Variants in GRAMD1B observed in about 807,000 individuals in gnomAD.
GRAMD1B encodes the protein protein Aster-B.
In GRAMD1B, 37 loss-of-function variants were observed where a neutral mutation model predicts 99.7. That is an observed-to-expected ratio of 0.37 (90% CI 0.29 to 0.49). GRAMD1B has a LOEUF of 0.49. Among genes scored for constraint, GRAMD1B ranks in the 20% least tolerant of loss-of-function variants. The probability of loss-of-function intolerance (pLI) is 0.98; values close to 1 mark genes in which losing one functional copy is unlikely to be tolerated. For missense variants in GRAMD1B, 888 were observed against 1,009.2 expected, an observed-to-expected ratio of 0.88 and a Z score of 1.63; for synonymous variants, 427 against 387.6, an observed-to-expected ratio of 1.10 and a Z score of -1.19.
rs1357437283 is a variant in GRAMD1B, at chr11:123,613,556, C to T, written c.2125C>T (p.Arg709Cys). ...SKTTTVRRRK[R>C]PHAHLRVPHL... is the part of the protein sequence containing the mutation. ...GACTACAACGGTGCGGAGGAGGAAGCGTCCCCATGCCCACCTGCGAGTCCC... is the reference window on the plus strand; with the variant it reads ...GACTACAACGGTGCGGAGGAGGAAGTGTCCCCATGCCCACCTGCGAGTCCC... Residue 709 changes from arginine (R) to cysteine (C), a missense_variant, in exon 16 of 20, where the codon CGT becomes TGT. Arg to Cys is a radical substitution (Grantham distance 180). Coordinates refer to ENST00000635736, the MANE Select transcript of GRAMD1B (RefSeq NM_001387025.1). The T allele has an allele frequency of 3.1e-6, 5 of 1,613,616 alleles. No homozygotes were observed. Among genetic ancestry groups the T allele is most frequent in the Non-Finnish European group, 3.4e-6 (4 of 1,179,656 alleles).
At chr11:123,528,996 C>T (rs946050191) in intron 2 of GRAMD1B, among the ~76,000 whole-genome samples, 1 of 152,170 alleles carries the variant, frequency 6.6e-6, no homozygotes, top group Non-Finnish European at 1.5e-5. Flanking sequence ...AGAGCAGGCT[C>T]AGGGTCTGTC....
chr11:123,518,188 G>C (rs895681215), intron 2 of GRAMD1B, among the ~76,000 whole-genome samples: 4 of 152,214 alleles, frequency 2.6e-5, no homozygotes, highest in Admixed American at 1.3e-4. Context: ...CCACCGTTAA[G>C]TGCAGCAGCA....
chr11:123,397,301 G>A (rs1307112605), intron 1 of GRAMD1B, among the ~76,000 whole-genome samples: 1 of 152,054 alleles, frequency 6.6e-6, no homozygotes, highest in Non-Finnish European at 1.5e-5. Flanking sequence ...CCAGCTACTC[G>A]GGAGGCTGAG....
rs777548798 is a variant in GRAMD1B at position 123,577,491 on chromosome 11, T to A, written c.577T>A (p.Ser193Thr). ...GGTGGAGAAGGGCTCAGATCACTCCTCGGACAAGTCCCCGTCCACACCGGA... is the reference window on the plus strand; with the variant it reads ...GGTGGAGAAGGGCTCAGATCACTCCACGGACAAGTCCCCGTCCACACCGGA... ...TMVEKGSDHS[S>T]DKSPSTPEQG... The change falls in exon 3 of 20, where the codon TCG becomes ACG. Residue 193 changes from serine to threonine, a missense_variant. Physicochemically the swap from Ser to Thr is moderately conservative, Grantham distance 58. Coordinates refer to ENST00000635736, the MANE Select transcript of GRAMD1B (RefSeq NM_001387025.1). 6.2e-7 allele frequency: 1 copy of A among 1,603,620 alleles called. No individual in the cohort carries two copies. The highest frequency in any genetic ancestry group is 1.7e-5 in the Admixed American group (1 of 58,884).
chr11:123,504,245 G>A (rs1317667691), intron 2 of GRAMD1B, among the ~76,000 whole-genome samples: 1 of 152,138 alleles, frequency 6.6e-6, no homozygotes, highest in Non-Finnish European at 1.5e-5. Flanking sequence ...CTTGCACAAG[G>A]TACGAGCTCC....
At chr11:123,571,027 A>G (rs903900290) in intron 2 of GRAMD1B, among the ~76,000 whole-genome samples, 1 of 152,186 alleles carries the variant, frequency 6.6e-6, no homozygotes, top group Non-Finnish European at 1.5e-5. Flanking sequence ...AGCCAGGCGC[A>G]CTGCAGAGGG....
At chr11:123,434,001 A>T (rs906074691) in intron 1 of GRAMD1B, among the ~76,000 whole-genome samples, 2 of 151,926 alleles carry the variant, frequency 1.3e-5, no homozygotes, top group African/African-American at 4.8e-5. Context: ...AGGATGAGGC[A>T]GGCAGATTGC....
chr11:123,402,698 C>T (rs11219129), intron 1 of GRAMD1B, among the ~76,000 whole-genome samples: 1,625 of 152,324 alleles, frequency 0.011, 25 homozygotes, highest in African/African-American at 0.035. Context: ...CAAGTGACCT[C>T]ACAATTGTAA....
At chr11:123,608,872 C>A in intron 12 of GRAMD1B, 70 bp downstream of exon 12, 2 of 1,002,536 alleles carry the variant, frequency 2.0e-6, no homozygotes, top group Non-Finnish European at 3.0e-6. Context: ...TCTACATTTG[C>A]TTCCTTCCCT....
intron 3 of GRAMD1B, among the ~76,000 whole-genome samples, chr11:123,582,578 C>T (rs902920531): frequency 6.6e-6 from 1 of 151,838 alleles, no homozygotes; most frequent in African/African-American, 2.4e-5. Context: ...TCCTGGCCAT[C>T]GAGGGCATGT....
At chr11:123,363,733 A>G (rs969820458) in intron 1 of GRAMD1B, among the ~76,000 whole-genome samples, 4 of 152,064 alleles carry the variant, frequency 2.6e-5, no homozygotes, top group South Asian at 2.1e-4. Flanking sequence ...TGCTCACTCT[A>G]TTTGTTGGCC....
At chr11:123,582,638 GC>G (rs1239030492) in intron 3 of GRAMD1B, among the ~76,000 whole-genome samples, 2 of 152,188 alleles carry the variant, frequency 1.3e-5, no homozygotes, top group Non-Finnish European at 2.9e-5. Context: ...AGGCCCCTCA[GC>G]CCCCTCCAGC....
intron 1 of GRAMD1B, among the ~76,000 whole-genome samples, chr11:123,364,835 A>G (rs1190387728): frequency 1.5e-5 from 2 of 136,392 alleles, no homozygotes. Context: ...TTCAGGCTCC[A>G]GTTTTTCAAA....
At chr11:123,579,990 T>C (rs972243818) in intron 3 of GRAMD1B, among the ~76,000 whole-genome samples, 2 of 152,122 alleles carry the variant, frequency 1.3e-5, no homozygotes, top group African/African-American at 4.8e-5. Context: ...CCCTGGGAGA[T>C]TGGGTGGACG....
intron 1 of GRAMD1B, among the ~76,000 whole-genome samples, chr11:123,424,412 C>T (rs1948574564): frequency 6.6e-6 from 1 of 152,004 alleles, no homozygotes; most frequent in Non-Finnish European, 1.5e-5. Flanking sequence ...TAGGAGGATC[C>T]CTTTGGACCA....
At chr11:123,487,536 G>T (rs1256014167) in intron 2 of GRAMD1B, among the ~76,000 whole-genome samples, 1 of 152,222 alleles carries the variant, frequency 6.6e-6, no homozygotes, top group Non-Finnish European at 1.5e-5. Flanking sequence ...GTCATGCCAC[G>T]TCCTGCTGTG....
chr11:123,409,891 C>T (rs902761923), intron 1 of GRAMD1B, among the ~76,000 whole-genome samples: 2 of 152,192 alleles, frequency 1.3e-5, no homozygotes, highest in African/African-American at 4.8e-5. Context: ...AGTGAGTGCT[C>T]GCCTCACGCT....
In GRAMD1B at chr11:123,451,893, G is replaced by A. The variant is rs146940676; in HGVS notation, c.374+20727G>A. Among the ~76,000 whole-genome samples, 3 of 152,116 alleles carry A rather than the reference G, an allele frequency of 2.0e-5. No homozygotes were observed. In the East Asian group the frequency reaches 5.8e-4, roughly 29 times the overall value. ...CTCTCGCCCAGGCTGGAGTACAGTG[G>A]CATGATCATAGCTCACTGCAGCCTC... On this transcript the variant is annotated intron_variant, in intron 1 of 19. Coordinates refer to ENST00000635736, the MANE Select transcript of GRAMD1B (RefSeq NM_001387025.1).
At chr11:123,476,890 T>C (rs1951303845) in intron 1 of GRAMD1B, among the ~76,000 whole-genome samples, 1 of 152,258 alleles carries the variant, frequency 6.6e-6, no homozygotes, top group African/African-American at 2.4e-5. Flanking sequence ...ACATGACATT[T>C]CTGCATTCTG....
Sources: allele counts gnomAD v4.1 joint callset (sites outside exome capture counted in the v4.1 genomes callset), GRCh38; gene constraint gnomAD v4.1.1; transcripts MANE v1.5; gene names NCBI Gene and HGNC (gene_info 2026-07-23, HGNC 2026-07-21).